Variants in GOLGB1 observed in about 807,000 individuals in gnomAD.
The protein encoded by GOLGB1 is golgin B1.
A neutral mutation model predicts 336.9 loss-of-function variants in GOLGB1; 174 were observed. The observed-to-expected ratio is 0.52, with a 90% CI of 0.46 to 0.59. The LOEUF (loss-of-function observed/expected upper bound fraction) is 0.59, where lower values mean the gene tolerates loss of function less well. Among genes scored for constraint, GOLGB1 ranks in the 20% least tolerant of loss-of-function variants. The pLI, the probability that GOLGB1 is intolerant of heterozygous loss-of-function variation, is 0.00. For synonymous variants in GOLGB1, 1,208 were observed against 1,289.2 expected (o/e 0.94, Z 1.35); for missense variants, 3,331 against 3,645.3 (o/e 0.91, Z 2.22).
At chr3:121,673,007 T>A (rs1347601827) in intron 17 of GOLGB1, among the ~76,000 whole-genome samples, 2 of 152,170 alleles carry the variant, frequency 1.3e-5, no homozygotes, top group East Asian at 3.8e-4. Context: ...TTTATGCCAG[T>A]ATCATGCTCA....
At chr3:121,699,263 CT>C (rs1164562495) in intron 12 of GOLGB1, among the ~76,000 whole-genome samples, 4 of 152,032 alleles carry the variant, frequency 2.6e-5, no homozygotes, top group Non-Finnish European at 4.4e-5. Flanking sequence ...TAAGCAGATA[CT>C]TTTGTTAGGA....
rs1402761486 is a variant in GOLGB1, at chr3:121,698,304, T to C, written c.2219A>G (p.Asn740Ser). ...IEEFKKNADN[N>S]SSAFTALSEE... is the part of the protein sequence containing the mutation. ...AGACAAAGCAGTGAATGCACTGCTG[T>C]TGTTGTCAGCATTTTTCTTAAACTC... The change falls in exon 13 of 22, where the codon AAC becomes AGC. Residue 740 changes from asparagine (N) to serine (S), a missense_variant. Transcript: ENST00000614479. 4.3e-6 allele frequency: 7 copies of C among 1,613,888 alleles called. No individual in the cohort carries two copies. Among genetic ancestry groups the C allele is most frequent in the Non-Finnish European group, 5.9e-6 (7 of 1,179,902 alleles).
Position 121,691,152 on chromosome 3 carries a change from T to C in GOLGB1, c.8212A>G (p.Ile2738Val). ...CTCATAGACCTTCCAAAAGACTGAA[T>C]TTGTGCTGTGAGACCTTTATTTTCT... ...TKENKGLTAQ[I>V]QSFGRSMSSL... The change falls in exon 14 of 22, where the codon ATT (isoleucine) becomes GTT (valine). Residue 2738 changes from isoleucine (I) to valine (V), a missense_variant. Coordinates refer to ENST00000614479, the MANE Select transcript of GOLGB1 (RefSeq NM_001366282.2). The C allele has an allele frequency of 7.4e-6, 12 of 1,613,832 alleles. No homozygotes were observed. The highest frequency in any genetic ancestry group is 9.3e-6 in the Non-Finnish European group (11 of 1,179,952).
At position 121,717,005 on chromosome 3, in the gene GOLGB1, G is replaced by C; in HGVS notation, c.1020C>G (p.Phe340Leu). Residue 340 changes from phenylalanine to leucine, a missense_variant, in exon 9 of 22, where the codon TTC (phenylalanine) becomes TTG (leucine). By Grantham distance (22) the Phe-to-Leu change is conservative (BLOSUM62 0). Coordinates refer to ENST00000614479, the MANE Select transcript of GOLGB1 (RefSeq NM_001366282.2). The part of the protein sequence containing the change: ...ELEVAERKLS[F>L]HNLQEEMHHL... ...GATGCATTTCTTCCTGCAGATTATG[G>C]AAGGATAATTTTCTCTCTGCCACTT... The C allele has an allele frequency of 6.2e-7, 1 of 1,614,012 alleles. No individual in the cohort carries two copies. The highest frequency in any genetic ancestry group is 8.5e-7 in the Non-Finnish European group (1 of 1,179,986).
At chr3:121,686,088 C>A (rs1401000933) in intron 14 of GOLGB1, among the ~76,000 whole-genome samples, 2 of 152,068 alleles carry the variant, frequency 1.3e-5, no homozygotes, top group Non-Finnish European at 2.9e-5. Flanking sequence ...TAAATAAAAA[C>A]CCTAAAAAAC....
chr3:121,734,392 G>GAAAAAAAAAAAAAAAAAAAAAA (rs34906801), intron 1 of GOLGB1, among the ~76,000 whole-genome samples: 1 of 107,254 alleles, frequency 9.3e-6, no homozygotes, highest in Non-Finnish European at 1.8e-5. Context: ...TCTGTCTCGG[G>GAAAAAAAAAAAAAAAAAAAAAA]AAAAAAAAAA....
At chr3:121,747,074 T>C (rs1306284094) in intron 1 of GOLGB1, among the ~76,000 whole-genome samples, 5 of 147,506 alleles carry the variant, frequency 3.4e-5, no homozygotes, top group Non-Finnish European at 7.4e-5. Context: ...CATATTAGTA[T>C]GGCCCCAAAT....
chr3:121,699,238 AT>A (rs895755434), intron 12 of GOLGB1, among the ~76,000 whole-genome samples: 4 of 151,986 alleles, frequency 2.6e-5, no homozygotes, highest in African/African-American at 2.4e-5. Context: ...CTCCTAATTG[AT>A]TTTTTTTAAA....
chr3:121,696,974 C>T lies in GOLGB1; in HGVS notation c.3549G>A (p.Lys1183=), dbSNP rs975878509. The T allele has an allele frequency of 6.1e-5, 98 of 1,613,954 alleles. No individual in the cohort carries two copies. Among genetic ancestry groups the T allele is most frequent in the Non-Finnish European group, 8.1e-5 (96 of 1,179,990 alleles). The change falls in exon 13 of 22, where the codon AAG becomes AAA. Residue 1183 remains lysine (K), a synonymous_variant. Transcript: ENST00000614479. ...GGGAGGTTAAGGCTTCCTGTAGCTT[C>T]TTTTGAAGTTGCTCCTTTTCTTTTT... ...ALEKEKEQLQ[K]KLQEALTSRK...
At chr3:121,709,908 A>G (rs1487132664) in intron 10 of GOLGB1, among the ~76,000 whole-genome samples, 5 of 152,100 alleles carry the variant, frequency 3.3e-5, no homozygotes, top group African/African-American at 1.2e-4. Context: ...AATAAATTCT[A>G]GATAGACTGA....
intron 10 of GOLGB1, among the ~76,000 whole-genome samples, chr3:121,706,732 T>TAAAAAAAAAA (rs1560263924): frequency 2.4e-3 from 5 of 2,044 alleles, no homozygotes; most frequent in African/African-American, 0.013. Flanking sequence ...AGACTCTGTC[T>TAAAAAAAAAA]CAAAAAAAAA....
intron 10 of GOLGB1, among the ~76,000 whole-genome samples, chr3:121,707,320 A>C (rs1207646214): frequency 6.6e-6 from 1 of 150,942 alleles, no homozygotes; most frequent in Non-Finnish European, 1.5e-5. Flanking sequence ...CAGACACAAA[A>C]ATTAAAAGAA....
chr3:121,716,590 C>A, intron 9 of GOLGB1, 147 bp downstream of exon 9: 1 of 578,300 alleles, frequency 1.7e-6, no homozygotes, highest in Non-Finnish European at 3.0e-6. Flanking sequence ...AAAAATGCAT[C>A]AAGAAGTTCA....
At chr3:121,707,159 G>A (rs12637265) in intron 10 of GOLGB1, among the ~76,000 whole-genome samples, 18,796 of 147,926 alleles carry the variant, frequency 0.13, 1,400 homozygotes, top group African/African-American at 0.19. Context: ...CCCGGGAGGC[G>A]GAGATTGCAG....
chr3:121,700,191 C>T (rs1302509465), intron 11 of GOLGB1, among the ~76,000 whole-genome samples: 1 of 151,982 alleles, frequency 6.6e-6, no homozygotes, highest in Non-Finnish European at 1.5e-5. Context: ...TAATCTGGAA[C>T]TTCTAGGACA....
At chr3:121,706,976 G>T (rs1235687924) in intron 10 of GOLGB1, among the ~76,000 whole-genome samples, 1 of 151,566 alleles carries the variant, frequency 6.6e-6, no homozygotes, top group Admixed American at 6.6e-5. Context: ...ACTTTGGGAG[G>T]CCGAGGCGGG....
chr3:121,697,828 G>T lies in GOLGB1; in HGVS notation c.2695C>A (p.Gln899Lys). The T allele has an allele frequency of 6.2e-7, 1 of 1,614,062 alleles. No individual in the cohort carries two copies. The highest frequency in any genetic ancestry group is 8.5e-7 in the Non-Finnish European group (1 of 1,179,952). Reference protein sequence around the residue: ...EKKRDVETLQQTIEEKDQQVT... With the variant: ...EKKRDVETLQKTIEEKDQQVT... ...TGTTGATCCTTCTCCTCGATGGTTT[G>T]TTGGAGGGTTTCCACATCTCTCTTT... Residue 899 changes from glutamine (Q) to lysine (K), a missense_variant, in exon 13 of 22, where the codon CAA becomes AAA. By Grantham distance (53) the Gln-to-Lys change is moderately conservative. Transcript: ENST00000614479.
At chr3:121,680,436 T>C (rs1008835781) in intron 15 of GOLGB1, among the ~76,000 whole-genome samples, 2 of 152,208 alleles carry the variant, frequency 1.3e-5, no homozygotes, top group East Asian at 1.9e-4. Context: ...GTCATAGAAA[T>C]GCTTAAACAA....
intron 9 of GOLGB1, among the ~76,000 whole-genome samples, chr3:121,716,074 A>G (rs2108109317): frequency 6.6e-6 from 1 of 152,294 alleles, no homozygotes; most frequent in South Asian, 2.1e-4. Flanking sequence ...TGTTTCTAAA[A>G]TCTTTCCTTT....
Sources: allele counts gnomAD v4.1 joint callset (sites outside exome capture counted in the v4.1 genomes callset), GRCh38; gene constraint gnomAD v4.1.1; transcripts MANE v1.5; gene names NCBI Gene and HGNC (gene_info 2026-07-23, HGNC 2026-07-21).